ZNF233: variants seen among roughly 807,000 people sequenced by gnomAD.
The protein encoded by ZNF233 is zinc finger protein 233.
ZNF233 carries 7 observed loss-of-function variants against 11.6 expected under a neutral mutation model. That is an observed-to-expected ratio of 0.60 (90% CI 0.34 to 1.13). The LOEUF (loss-of-function observed/expected upper bound fraction) is 1.13. Among genes scored for constraint, ZNF233 ranks in the 50% most tolerant of loss-of-function variants. ZNF233 has a pLI of 0.03. For missense variants in ZNF233, 711 were observed against 785.5 expected (o/e 0.91, Z 1.13); for synonymous variants, 226 against 268.5 (o/e 0.84, Z 1.55).
intron 4 of ZNF233, among the ~76,000 whole-genome samples, chr19:44,271,737 C>T (rs1975242163): frequency 6.6e-6 from 1 of 151,702 alleles, no homozygotes; most frequent in Non-Finnish European, 1.5e-5. Context: ...GTCTCGATCT[C>T]CTGACCTCGT....
intron 2 of ZNF233, among the ~76,000 whole-genome samples, chr19:44,265,810 T>G (rs377523446): frequency 6.6e-6 from 1 of 152,230 alleles, no homozygotes; most frequent in Non-Finnish European, 1.5e-5. Flanking sequence ...TAAACGTGCA[T>G]GTACAAACAC....
In ZNF233 at chr19:44,274,774, T is replaced by C. The variant is rs1008393644; in HGVS notation, c.*101T>C. 2.2e-6 allele frequency: 2 copies of C among 918,244 alleles called. No individual in the cohort carries two copies. The highest frequency in any genetic ancestry group is 3.1e-6 in the Non-Finnish European group (2 of 641,574). 56.9% of individuals were successfully genotyped at this position (918,244 alleles called of 1,614,324 possible). A position where few individuals can be genotyped will look rare whatever the true frequency, so the allele number is the denominator to read the frequency against. On this transcript the variant is annotated 3_prime_UTR_variant, in exon 5 of 5. Coordinates refer to ENST00000683810, the MANE Select transcript of ZNF233 (RefSeq NM_001207005.2). The stretch of plus-strand genomic sequence containing the variant: ...AAATCCACACAGCACAGAATATTTA[T>C]AAAATGTCATGTTTTAAGAATTCAT...
chr19:44,269,838 G>A (rs1975192496), intron 4 of ZNF233, among the ~76,000 whole-genome samples: 1 of 152,058 alleles, frequency 6.6e-6, no homozygotes, highest in African/African-American at 2.4e-5. Context: ...ATCTGACAGC[G>A]TATTCTACCC....
chr19:44,267,536 G>GTA, intron 4 of ZNF233: 1 of 378,350 alleles, frequency 2.6e-6, no homozygotes, highest in Non-Finnish European at 4.6e-6. Context: ...TTAAAACTAT[G>GTA]TATATATACA....
chr19:44,264,452 C>T, intron 2 of ZNF233, 77 bp downstream of exon 2: 1 of 1,412,820 alleles, frequency 7.1e-7, no homozygotes, highest in Non-Finnish European at 9.8e-7. Context: ...TTTTCTCTTC[C>T]TTGGGAAAGA....
chr19:44,266,798 T>A, intron 3 of ZNF233, 68 bp from the exon 4 acceptor site: 1 of 1,131,250 alleles, frequency 8.8e-7, no homozygotes, highest in Non-Finnish European at 1.3e-6. Flanking sequence ...ATGAAAATGG[T>A]GGTGTTGGAA....
intron 4 of ZNF233, among the ~76,000 whole-genome samples, chr19:44,268,823 CTTCAT>C (rs1165957487): frequency 7.1e-6 from 1 of 141,346 alleles, no homozygotes; most frequent in Non-Finnish European, 1.5e-5. Context: ...TCACTTCTTC[CTTCAT>C]TTATCTTTAA....
Position 44,266,292 on chromosome 19 carries a change from T to A in ZNF233, c.110T>A (p.Met37Lys), listed in dbSNP as rs1462044525. The change falls in exon 3 of 5, where the codon ATG becomes AAG. Residue 37 changes from methionine (M) to lysine (K), a missense_variant. Physicochemically the swap from Met to Lys is moderately conservative, Grantham distance 95. Coordinates refer to ENST00000683810, the MANE Select transcript of ZNF233 (RefSeq NM_001207005.2). Reference sequence around the variant, plus strand: ...CAGAGAAAGCTGTACCAAGATGTGATGCTGGAGAACTTCAGGAACCTGCTG... The same window carrying A: ...CAGAGAAAGCTGTACCAAGATGTGAAGCTGGAGAACTTCAGGAACCTGCTG... ...LAQRKLYQDV[M>K]LENFRNLLSV... 6.2e-7 allele frequency: 1 copy of A among 1,609,990 alleles called. No homozygotes were observed. The highest frequency in any genetic ancestry group is 1.3e-5 in the African/African-American group (1 of 74,790).
intron 4 of ZNF233, among the ~76,000 whole-genome samples, chr19:44,272,643 G>A (rs906115440): frequency 6.6e-6 from 1 of 152,130 alleles, no homozygotes; most frequent in Non-Finnish European, 1.5e-5. Context: ...GCCGAGGCAG[G>A]AGAATGGAAT....
intron 1 of ZNF233, among the ~76,000 whole-genome samples, chr19:44,262,530 A>G (rs1974966449): frequency 6.6e-6 from 1 of 152,210 alleles, no homozygotes; most frequent in African/African-American, 2.4e-5. Flanking sequence ...TGAGCAGAGC[A>G]GGAGGGTGCA....
intron 4 of ZNF233, chr19:44,267,523 A>G: frequency 2.5e-6 from 1 of 394,092 alleles, no homozygotes; most frequent in Non-Finnish European, 4.4e-6. Flanking sequence ...TGCTGGACTA[A>G]TTTTAAAACT....
intron 2 of ZNF233, among the ~76,000 whole-genome samples, chr19:44,264,852 T>C (rs1280053647): frequency 1.3e-5 from 2 of 152,202 alleles, no homozygotes; most frequent in African/African-American, 4.8e-5. Context: ...TTTTGTCTAA[T>C]TTTTCAGAGG....
At chr19:44,272,545 T>C (rs888896119) in intron 4 of ZNF233, among the ~76,000 whole-genome samples, 27 of 151,588 alleles carry the variant, frequency 1.8e-4, no homozygotes, top group African/African-American at 6.1e-4. Context: ...CCATCCTGGC[T>C]AACATGGTGA....
intron 1 of ZNF233, among the ~76,000 whole-genome samples, chr19:44,263,088 T>A (rs186108481): frequency 6.6e-6 from 1 of 152,348 alleles, no homozygotes; most frequent in East Asian, 1.9e-4. Flanking sequence ...ACAGTCATCA[T>A]ATCATCACTT....
At chr19:44,264,288 C>G (rs1433282251) in intron 1 of ZNF233, 26 bp from the exon 2 acceptor site, 1 of 1,518,342 alleles carries the variant, frequency 6.6e-7, no homozygotes, top group South Asian at 1.1e-5. Flanking sequence ...GGGCCTGTTT[C>G]TCATGGCTTC....
intron 1 of ZNF233, among the ~76,000 whole-genome samples, chr19:44,261,698 C>A (rs1356545616): frequency 1.4e-5 from 2 of 141,928 alleles, no homozygotes; most frequent in Non-Finnish European, 3.0e-5. Flanking sequence ...GTCTCCCAGG[C>A]TGGAGTGCAG....
intron 4 of ZNF233, among the ~76,000 whole-genome samples, chr19:44,269,250 C>T (rs1342309897): frequency 6.6e-6 from 1 of 150,862 alleles, no homozygotes; most frequent in African/African-American, 2.4e-5. Context: ...CAGGTAGCTT[C>T]TTCCCAACTT....
In ZNF233 at chr19:44,273,969, A is replaced by T; in HGVS notation, c.1309A>T (p.Arg437Trp). The T allele has an allele frequency of 6.2e-7, 1 of 1,613,508 alleles. No individual in the cohort carries two copies. Among genetic ancestry groups the T allele is most frequent in the Non-Finnish European group, 8.5e-7 (1 of 1,179,674 alleles). The change falls in exon 5 of 5, where the codon AGG becomes TGG. Residue 437 changes from arginine (R) to tryptophan (W), a missense_variant. Coordinates refer to ENST00000683810, the MANE Select transcript of ZNF233 (RefSeq NM_001207005.2). ...GGAAGTAAGTGACAGGATATTTAAT[A>T]GGAATTCTGGTCTTCACCAGAGAGT... ...KWEVSDRIFN[R>W]NSGLHQRVHT...
intron 4 of ZNF233, 182 bp downstream of exon 4, chr19:44,267,143 A>G (rs1156395336): frequency 2.1e-6 from 1 of 478,826 alleles, no homozygotes; most frequent in African/African-American, 1.9e-5. Flanking sequence ...TAGCCAGATC[A>G]TGTAAGTCAG....
Sources: gnomAD v4.1 joint callset for allele counts (sites outside exome capture counted in the v4.1 genomes callset) on GRCh38, gnomAD v4.1.1 for gene constraint, MANE v1.5 for transcripts, NCBI Gene and HGNC (gene_info 2026-07-23, HGNC 2026-07-21) for gene names.